Variants in CBLL1 observed in about 807,000 individuals in gnomAD.
CBLL1 encodes the protein Cbl proto-oncogene like 1.
CBLL1 carries 4 observed loss-of-function variants against 44.9 expected under a neutral mutation model. The ratio of observed to expected loss-of-function variants is 0.09; its 90% CI spans 0.04 to 0.20. The LOEUF is 0.20. Ranked by LOEUF, CBLL1 falls within the 10% of genes least tolerant of loss-of-function variation. The pLI, the probability that CBLL1 is intolerant of heterozygous loss-of-function variation, is 1.00. For synonymous variants in CBLL1, 235 were observed against 202.2 expected (o/e 1.16, Z -1.38); for missense variants, 569 against 636.7 (o/e 0.89, Z 1.14).
chr7:107,756,516 CA>C (rs1793536234), intron 5 of CBLL1, among the ~76,000 whole-genome samples: 1 of 152,010 alleles, frequency 6.6e-6, no homozygotes, highest in Non-Finnish European at 1.5e-5. Context: ...AAATACATAT[CA>C]CTTGTTTTTT....
intron 2 of CBLL1, among the ~76,000 whole-genome samples, chr7:107,750,200 A>G (rs150539876): frequency 0.014 from 2,116 of 152,194 alleles, 39 homozygotes; most frequent in African/African-American, 0.048. Flanking sequence ...CTCTTGCCTT[A>G]GCCTCCCAAG....
At position 107,753,317 on chromosome 7, in the gene CBLL1, T is replaced by G. The variant is rs2115666850; in HGVS notation, c.182-94T>G. Reference sequence around the variant, plus strand: ...AGCTTTGAAAGGCATCAGATGAGCTTTTTAGTGAAAAGGTCTATTTTGCCA... The same window carrying G: ...AGCTTTGAAAGGCATCAGATGAGCTGTTTAGTGAAAAGGTCTATTTTGCCA... On this transcript the variant is annotated intron_variant, in intron 2 of 5. Coordinates refer to ENST00000440859, the MANE Select transcript of CBLL1 (RefSeq NM_024814.4). The G allele has an allele frequency of 4.1e-6, 3 of 740,402 alleles. No homozygotes were observed. In the South Asian group the frequency reaches 5.3e-5, roughly 13 times the overall value. The allele number at this position is 740,402 out of a possible 1,614,324, so 45.9% of individuals were successfully genotyped here.
At position 107,761,479 on chromosome 7, in the gene CBLL1, A is replaced by G. The variant is rs1371206946; in HGVS notation, c.*2301A>G. The G allele has an allele frequency of 6.6e-6, 1 of 152,170 alleles. No individual in the cohort carries two copies. The highest frequency in any genetic ancestry group is 6.6e-5 in the Admixed American group (1 of 15,266). The allele number at this position is 152,170 out of a possible 1,614,324, so 9.4% of individuals were successfully genotyped here. A position where few individuals can be genotyped will look rare whatever the true frequency, so the allele number is the denominator to read the frequency against. ...GAGGGTGGGTGGGTAGAAGGATAAC[A>G]AAATTACTGTTAGTGTTTCTTTCCT... On this transcript the variant is annotated 3_prime_UTR_variant, in exon 6 of 6. Transcript: ENST00000440859.
rs374593462 is a variant in CBLL1 at position 107,758,414 on chromosome 7, A to G, written c.712A>G (p.Ile238Val). Residue 238 changes from isoleucine to valine, a missense_variant, in exon 6 of 6, where the codon ATC becomes GTC. Coordinates refer to ENST00000440859, the MANE Select transcript of CBLL1 (RefSeq NM_024814.4). The surrounding 1 kb of genome is among the most constrained non-coding windows in gnomAD (Gnocchi z 4.2). ...HMSHIPPKQH[I>V]MMPPPPLQHV... is the part of the protein sequence containing the mutation. ...GAGCCATATTCCGCCAAAGCAGCAC[A>G]TCATGATGCCACCACCTCCTTTGCA... 6.2e-7 allele frequency: 1 copy of G among 1,614,158 alleles called. No homozygotes were observed. Among genetic ancestry groups the G allele is most frequent in the Non-Finnish European group, 8.5e-7 (1 of 1,180,032 alleles).
At position 107,758,696 on chromosome 7, in the gene CBLL1, C is replaced by T; in HGVS notation, c.994C>T (p.His332Tyr). ...GGGTCAACCAGTGGTATCGCACCCTCATCATATTATGCCTCCACAGCAACA... is the reference window on the plus strand; with the variant it reads ...GGGTCAACCAGTGGTATCGCACCCTTATCATATTATGCCTCCACAGCAACA... The part of the protein sequence containing the change: ...YQGQPVVSHP[H>Y]HIMPPQQHYA... Residue 332 changes from histidine (H) to tyrosine (Y), a missense_variant, in exon 6 of 6, where the codon CAT (histidine) becomes TAT (tyrosine). His to Tyr is a moderately conservative substitution (Grantham distance 83, BLOSUM62 2). Around this residue, in one of 5 missense-constraint regions of CBLL1, gnomAD observed 228 missense variants for 253.2 expected, o/e 0.90. Transcript: ENST00000440859. The surrounding 1 kb of genome is among the most constrained non-coding windows in gnomAD (Gnocchi z 4.2). 1 of 1,613,936 alleles carries T rather than the reference C, an allele frequency of 6.2e-7. No individual in the cohort carries two copies. The highest frequency in any genetic ancestry group is 8.5e-7 in the Non-Finnish European group (1 of 1,179,984).
chr7:107,750,122 T>C (rs762816758), intron 2 of CBLL1, among the ~76,000 whole-genome samples: 4 of 151,976 alleles, frequency 2.6e-5, no homozygotes, highest in Admixed American at 1.3e-4. Context: ...TTTTTATATT[T>C]AATTTTTGTA....
At chr7:107,748,534 T>A (rs950213602) in intron 1 of CBLL1, among the ~76,000 whole-genome samples, 1 of 152,320 alleles carries the variant, frequency 6.6e-6, no homozygotes, top group Admixed American at 6.5e-5. Context: ...TTTTAAAAAA[T>A]TCTCTTGTAG....
At chr7:107,750,686 C>A (rs371262026) in intron 2 of CBLL1, among the ~76,000 whole-genome samples, 1 of 152,156 alleles carries the variant, frequency 6.6e-6, no homozygotes, top group African/African-American at 2.4e-5. Flanking sequence ...CCCTATTTCA[C>A]CAGTATAAAA....
At chr7:107,756,047 T>G (rs1793513936) in intron 5 of CBLL1, among the ~76,000 whole-genome samples, 3 of 152,172 alleles carry the variant, frequency 2.0e-5, no homozygotes, top group African/African-American at 7.2e-5. Context: ...GATTATTGTA[T>G]TTGGAGTATG....
chr7:107,747,850 T>C (rs1265190705), intron 1 of CBLL1, among the ~76,000 whole-genome samples: 2 of 152,238 alleles, frequency 1.3e-5, no homozygotes, highest in Admixed American at 6.5e-5. Flanking sequence ...TTAATGTGGA[T>C]GGTTTGGCTA....
At chr7:107,754,379 C>G (rs757618852) in intron 4 of CBLL1, among the ~76,000 whole-genome samples, 12 of 151,620 alleles carry the variant, frequency 7.9e-5, no homozygotes, top group Non-Finnish European at 1.5e-4. Context: ...TCCTGAGGCT[C>G]AGAGAGGCTT....
intron 4 of CBLL1, among the ~76,000 whole-genome samples, chr7:107,754,968 A>G (rs1167387051): frequency 2.0e-5 from 3 of 152,042 alleles, no homozygotes; most frequent in African/African-American, 4.8e-5. Context: ...GTACAATAAA[A>G]TAAAATAATT....
At chr7:107,750,786 A>G (rs1793249478) in intron 2 of CBLL1, among the ~76,000 whole-genome samples, 1 of 152,204 alleles carries the variant, frequency 6.6e-6, no homozygotes, top group South Asian at 2.1e-4. Context: ...TTTTATTGGA[A>G]CACAGCTATG....
At chr7:107,748,196 C>T (rs1793103387) in intron 1 of CBLL1, among the ~76,000 whole-genome samples, 1 of 152,146 alleles carries the variant, frequency 6.6e-6, no homozygotes, top group South Asian at 2.1e-4. Context: ...AGTATAGGAA[C>T]TTTGCATCCT....
At chr7:107,754,965 A>G (rs1793462391) in intron 4 of CBLL1, among the ~76,000 whole-genome samples, 1 of 151,968 alleles carries the variant, frequency 6.6e-6, no homozygotes, top group African/African-American at 2.4e-5. Context: ...TCTGTACAAT[A>G]AAATAAAATA....
At chr7:107,755,975 T>C (rs1023946515) in intron 5 of CBLL1, among the ~76,000 whole-genome samples, 1 of 152,136 alleles carries the variant, frequency 6.6e-6, no homozygotes, top group African/African-American at 2.4e-5. Flanking sequence ...CACAGATACA[T>C]ATATATAGTA....
In CBLL1 at chr7:107,758,324, C is replaced by G; in HGVS notation, c.622C>G (p.Pro208Ala). Residue 208 changes from proline (P) to alanine (A), a missense_variant, in exon 6 of 6, where the codon CCT becomes GCT. Physicochemically the swap from Pro to Ala is conservative, Grantham distance 27 (BLOSUM62 -1). Around this residue, in one of 5 missense-constraint regions of CBLL1, gnomAD observed 111 missense variants for 113.0 expected, o/e 0.98. Coordinates refer to ENST00000440859, the MANE Select transcript of CBLL1 (RefSeq NM_024814.4). The surrounding 1 kb of genome is among the most constrained non-coding windows in gnomAD (Gnocchi z 4.2). ...TGCTTCACTTGAAAATGTTCATCCT[C>G]CTATTGCCCCACCACCAACTGAAAT... The part of the protein sequence containing the change: ...TRASLENVHP[P>A]IAPPPTEIPE... 6.2e-7 allele frequency: 1 copy of G among 1,614,110 alleles called. No homozygotes were observed. Among genetic ancestry groups the G allele is most frequent in the East Asian group, 2.2e-5 (1 of 44,876 alleles).
intron 2 of CBLL1, among the ~76,000 whole-genome samples, chr7:107,752,213 AAAAG>A (rs1389031115): frequency 1.3e-5 from 2 of 151,782 alleles, no homozygotes; most frequent in Non-Finnish European, 2.9e-5. Context: ...AAAAAAAAAA[AAAAG>A]AAAAATTAAT....
intron 1 of CBLL1, among the ~76,000 whole-genome samples, chr7:107,747,950 A>G (rs1475834549): frequency 6.6e-6 from 1 of 152,214 alleles, no homozygotes; most frequent in Admixed American, 6.5e-5. Flanking sequence ...ATTAAAAAAT[A>G]CGTTATTTGT....
Sources: gnomAD v4.1 joint callset for allele counts (sites outside exome capture counted in the v4.1 genomes callset) on GRCh38, gnomAD v4.1.1 for gene constraint, gnomAD v4.1.1 regional missense constraint, Gnocchi (gnomAD v3.1) non-coding constraint, MANE v1.5 for transcripts, NCBI Gene and HGNC (gene_info 2026-07-23, HGNC 2026-07-21) for gene names.